The following ZNF107 variants were observed in gnomAD, a reference collection of about 807,000 sequenced individuals.
ZNF107 encodes the protein zinc finger protein 107.
In ZNF107, 19 loss-of-function variants were observed where a neutral mutation model predicts 12.3. That is an observed-to-expected ratio of 1.55 (90% confidence interval 1.08 to 2.27). ZNF107 has a LOEUF of 2.27. Ranked by LOEUF, ZNF107 falls within the 30% of genes most tolerant of loss-of-function variation. The pLI is 0.00. For synonymous variants in ZNF107, 317 were observed against 330.5 expected (o/e 0.96, Z 0.44); for missense variants, 958 against 979.9 (o/e 0.98, Z 0.30).
chr7:64,691,977 G>T lies in ZNF107; in HGVS notation c.226+17G>T. ...AACCCCCAGGTAGGTGAGAGTGAAA[G>T]TGAATACAACAGATGACAAAGATGA... On this transcript the variant is annotated intron_variant, in intron 3 of 3. Coordinates refer to ENST00000620827, the MANE Select transcript of ZNF107 (RefSeq NM_001282359.2). 6.9e-7 allele frequency: 1 copy of T among 1,444,486 alleles called. No homozygotes were observed. The highest frequency in any genetic ancestry group is 9.2e-7 in the Non-Finnish European group (1 of 1,084,762). The allele number at this position is 1,444,486 out of a possible 1,614,324, so 89.5% of individuals were successfully genotyped here.
At chr7:64,687,045 T>G in intron 1 of ZNF107, 1 of 985,424 alleles carries the variant, frequency 1.0e-6, no homozygotes, top group Non-Finnish European at 1.2e-6. Flanking sequence ...TTAGGGGAAG[T>G]TTTTCTGGCT....
chr7:64,691,072 C>T (rs1019645541), intron 1 of ZNF107, among the ~76,000 whole-genome samples, 176 bp from the exon 2 acceptor site: 1 of 152,090 alleles, frequency 6.6e-6, no homozygotes, highest in Non-Finnish European at 1.5e-5. Flanking sequence ...CGGGGTTTCA[C>T]CATGTTGGCC....
intron 1 of ZNF107, among the ~76,000 whole-genome samples, chr7:64,677,170 C>T (rs1432435532): frequency 6.7e-6 from 1 of 149,408 alleles, no homozygotes; most frequent in Non-Finnish European, 1.5e-5. Context: ...TTAACATACC[C>T]ATGGATTTTT....
At position 64,707,899 on chromosome 7, in the gene ZNF107, C is replaced by A; in HGVS notation, c.1802C>A (p.Ala601Asp). The change falls in exon 4 of 4, where the codon GCC (alanine) becomes GAC (aspartate). Residue 601 changes from alanine (A) to aspartate (D), a missense_variant. Ala to Asp is a moderately radical substitution (Grantham distance 126). Transcript: ENST00000620827. ...AACAAATGTGAAGAATTTGGCAAGG[C>A]CTTTAAACAGTCCTCACACCGTACT... The part of the protein sequence containing the change: ...KLNKCEEFGK[A>D]FKQSSHRTIH... 1 of 1,613,660 alleles carries A rather than the reference C, an allele frequency of 6.2e-7. No homozygotes were observed. Among genetic ancestry groups the A allele is most frequent in the Non-Finnish European group, 8.5e-7 (1 of 1,179,778 alleles).
At chr7:64,693,553 G>T (rs146555002) in intron 3 of ZNF107, among the ~76,000 whole-genome samples, 2,039 of 151,988 alleles carry the variant, frequency 0.013, 21 homozygotes, top group Non-Finnish European at 0.02. Context: ...TCACAAGGAT[G>T]TTGGGTCTGC....
chr7:64,692,016 A>G, intron 3 of ZNF107, 56 bp downstream of exon 3: 1 of 1,208,380 alleles, frequency 8.3e-7, no homozygotes, highest in South Asian at 1.6e-5. Flanking sequence ...GTCAAAGGTC[A>G]AAGAAAAAGC....
rs374387682 is a variant in ZNF107, at chr7:64,708,613, A to T, written c.2516A>T (p.His839Leu). 1 of 1,595,092 alleles carries T rather than the reference A, an allele frequency of 6.3e-7. No homozygotes were observed. Among genetic ancestry groups the T allele is most frequent in the African/African-American group, 1.4e-5 (1 of 73,836 alleles). The change falls in exon 4 of 4, where the codon CAT (histidine) becomes CTT (leucine). Residue 839 changes from histidine (H) to leucine (L), a missense_variant. By Grantham distance (99) the His-to-Leu change is moderately conservative (BLOSUM62 -3). Coordinates refer to ENST00000620827, the MANE Select transcript of ZNF107 (RefSeq NM_001282359.2). ...AATCTTACTACACATAAGAAAATTC[A>T]TACTGGAGAGAAACCCTACAAATGT... Reference protein sequence around the residue: ...SSNLTTHKKIHTGEKPYKCEY... With the variant: ...SSNLTTHKKILTGEKPYKCEY...
At position 64,684,525 on chromosome 7, in the gene ZNF107, G is replaced by A. The variant is rs1032030983; in HGVS notation, c.4-6723G>A. On this transcript the variant is annotated intron_variant, in intron 1 of 3. Transcript: ENST00000620827. ...TAAAGCTGTGTCCATCTGACACTCA[G>A]CCTGACCCTTCTTCCTCCTCTTGGA... 6.3e-6 allele frequency: 6 copies of A among 959,672 alleles called. No individual in the cohort carries two copies. In the Admixed American group the frequency reaches 2.5e-4, roughly 39 times the overall value. The allele number at this position is 959,672 out of a possible 1,614,324, so 59.4% of individuals were successfully genotyped here. A position where few individuals can be genotyped will look rare whatever the true frequency, so the allele number is the denominator to read the frequency against.
In ZNF107 at chr7:64,671,868, G is replaced by A. The variant is rs1267967155; in HGVS notation, c.3+5583G>A. On this transcript the variant is annotated intron_variant, in intron 1 of 3. Transcript: ENST00000620827. ...GCGATCTCTGCTCACTGCAAGCTCTGCCTCCCGGGTTCAGGCCATTCTCCT... is the reference window on the plus strand; with the variant it reads ...GCGATCTCTGCTCACTGCAAGCTCTACCTCCCGGGTTCAGGCCATTCTCCT... 2.1e-5 allele frequency among the ~76,000 whole-genome samples: 3 copies of A among 142,448 alleles called. No homozygotes were observed. The East Asian group carries it at 6.2e-4, about 30-fold the overall frequency. The allele number at this position is 142,448 out of a possible 152,430, so 93.5% of individuals were successfully genotyped here.
chr7:64,707,231 T>G lies in ZNF107; in HGVS notation c.1134T>G (p.Phe378Leu), dbSNP rs1354588550. The G allele has an allele frequency of 6.2e-7, 1 of 1,613,386 alleles. No individual in the cohort carries two copies. Among genetic ancestry groups the G allele is most frequent in the East Asian group, 2.2e-5 (1 of 44,828 alleles). ...LNKCEECDKA[F>L]NRSLKLTAHK... is the part of the protein sequence containing the mutation. ...AATGTGAAGAATGTGACAAAGCTTT[T>G]AACCGATCCTTAAAACTTACTGCAC... The change falls in exon 4 of 4, where the codon TTT becomes TTG. Residue 378 changes from phenylalanine to leucine, a missense_variant. Phe to Leu is a conservative substitution (Grantham distance 22, BLOSUM62 0). Transcript: ENST00000620827.
At position 64,706,971 on chromosome 7, in the gene ZNF107, A is replaced by C; in HGVS notation, c.874A>C (p.Lys292Gln). 1 of 1,613,626 alleles carries C rather than the reference A, an allele frequency of 6.2e-7. No individual in the cohort carries two copies. The highest frequency in any genetic ancestry group is 8.5e-7 in the Non-Finnish European group (1 of 1,179,774). ...EKPYKYEECG[K>Q]VFSQSSHLTT... The stretch of plus-strand genomic sequence containing the variant: ...ACCTTACAAATATGAAGAATGTGGC[A>C]AAGTCTTTAGCCAGTCCTCACACCT... The change falls in exon 4 of 4, where the codon AAA (lysine) becomes CAA (glutamine). Residue 292 changes from lysine to glutamine, a missense_variant. By Grantham distance (53) the Lys-to-Gln change is moderately conservative (BLOSUM62 1). Coordinates refer to ENST00000620827, the MANE Select transcript of ZNF107 (RefSeq NM_001282359.2).
chr7:64,682,593 C>T (rs141704436), intron 1 of ZNF107, among the ~76,000 whole-genome samples: 1 of 152,244 alleles, frequency 6.6e-6, no homozygotes, highest in East Asian at 1.9e-4. Context: ...AACACAAGGG[C>T]CAGGCCCACG....
chr7:64,699,790 C>T (rs1008866648), intron 3 of ZNF107, among the ~76,000 whole-genome samples: 1 of 152,056 alleles, frequency 6.6e-6, no homozygotes, highest in African/African-American at 2.4e-5. Flanking sequence ...CATTCTCGGC[C>T]GGGCGTGGTG....
intron 1 of ZNF107, chr7:64,686,781 G>A (rs1789932349): frequency 5.9e-6 from 5 of 853,438 alleles, no homozygotes; most frequent in African/African-American, 1.8e-5. Context: ...TTTTCCACCC[G>A]CCACTTTGCC....
Position 64,706,780 on chromosome 7 carries a change from C to A in ZNF107, c.683C>A (p.Pro228His). The A allele has an allele frequency of 6.2e-7, 1 of 1,613,312 alleles. No homozygotes were observed. Among genetic ancestry groups the A allele is most frequent in the Admixed American group, 1.7e-5 (1 of 59,968 alleles). The change falls in exon 4 of 4, where the codon CCC (proline) becomes CAC (histidine). Residue 228 changes from proline to histidine, a missense_variant. Physicochemically the swap from Pro to His is moderately conservative, Grantham distance 77 (BLOSUM62 -2). Transcript: ENST00000620827. Reference protein sequence around the residue: ...KHKRIHTGEKPYKCEECGKAF... With the variant: ...KHKRIHTGEKHYKCEECGKAF... ...AAGAGAATTCATACTGGAGAAAAGC[C>A]CTACAAATGTGAAGAATGTGGCAAA...
intron 1 of ZNF107, among the ~76,000 whole-genome samples, chr7:64,668,300 TC>T (rs1343543076): frequency 2.5e-5 from 2 of 80,330 alleles, no homozygotes; most frequent in Non-Finnish European, 4.7e-5. Flanking sequence ...ATGCTATCCC[TC>T]CCCCCTCCCC....
chr7:64,679,516 A>G (rs1185980433), intron 1 of ZNF107, among the ~76,000 whole-genome samples: 1 of 152,106 alleles, frequency 6.6e-6, no homozygotes, highest in Non-Finnish European at 1.5e-5. Context: ...CACAACCCAG[A>G]TGGGGACACC....
intron 1 of ZNF107, chr7:64,679,146 G>A (rs35559940): frequency 0.92 from 908,749 of 982,798 alleles, 420,284 homozygotes; most frequent in East Asian, 0.94. Context: ...GAGCTCACAC[G>A]AAGCCTGCTT....
At chr7:64,700,776 G>A (rs910937184) in intron 3 of ZNF107, among the ~76,000 whole-genome samples, 6 of 152,084 alleles carry the variant, frequency 3.9e-5, no homozygotes, top group African/African-American at 1.4e-4. Context: ...CTGACCTCAG[G>A]TGATCCACCC....
Sources: allele counts gnomAD v4.1 joint callset (sites outside exome capture counted in the v4.1 genomes callset), GRCh38; gene constraint gnomAD v4.1.1; transcripts MANE v1.5; gene names NCBI Gene and HGNC (gene_info 2026-07-23, HGNC 2026-07-21).